Variants in SNTN observed in about 807,000 individuals in gnomAD.
SNTN encodes the protein sentan, cilia apical structure protein.
In SNTN, 13 loss-of-function variants were observed where a neutral mutation model predicts 12.3. The observed-to-expected ratio is 1.05, with a 90% confidence interval of 0.69 to 1.67. SNTN has a LOEUF of 1.67. Among genes scored for constraint, SNTN ranks in the 40% most tolerant of loss-of-function variants. The probability of loss-of-function intolerance (pLI) is 0.00; values close to 1 mark genes in which losing one functional copy is unlikely to be tolerated. For synonymous variants in SNTN, 69 were observed against 58.5 expected, an observed-to-expected ratio of 1.18 and a Z score of -0.82; for missense variants, 189 against 169.8, an observed-to-expected ratio of 1.11 and a Z score of -0.63.
intron 2 of SNTN, among the ~76,000 whole-genome samples, chr3:63,656,006 G>A (rs1700675711): frequency 6.6e-6 from 1 of 152,230 alleles, no homozygotes; most frequent in South Asian, 2.1e-4. Context: ...TAGACAGCAG[G>A]GACCTAGTTT....
In SNTN at chr3:63,654,816, G is replaced by A. The variant is rs756789467; in HGVS notation, c.145+20G>A. ...TGAAAGGTAAGGCACAGATGACGCA[G>A]ATGTACATTTTTCTCCTCTACCAAG... is the stretch of plus-strand genomic sequence containing the variant. On this transcript the variant is annotated intron_variant, in intron 2 of 3. Coordinates refer to ENST00000343837, the MANE Select transcript of SNTN (RefSeq NM_001080537.2). 7.5e-6 allele frequency: 12 copies of A among 1,610,358 alleles called. No homozygotes were observed. Among genetic ancestry groups the A allele is most frequent in the Non-Finnish European group, 9.3e-6 (11 of 1,178,148 alleles).
intron 3 of SNTN, among the ~76,000 whole-genome samples, chr3:63,660,524 G>A (rs551498730): frequency 6.6e-6 from 1 of 152,274 alleles, no homozygotes; most frequent in South Asian, 2.1e-4. Context: ...CTTAGACTAC[G>A]GCGGTGAAGA....
At chr3:63,659,515 C>T (rs1575750632) in intron 2 of SNTN, among the ~76,000 whole-genome samples, 1 of 152,034 alleles carries the variant, frequency 6.6e-6, no homozygotes, top group Non-Finnish European at 1.5e-5. Flanking sequence ...TCATATCTAA[C>T]TCTACTAATT....
At chr3:63,652,905 G>T (rs930627335) in intron 1 of SNTN, 108 bp downstream of exon 1, 4 of 935,456 alleles carry the variant, frequency 4.3e-6, no homozygotes, top group South Asian at 1.6e-5. Flanking sequence ...CCAGTTTGGT[G>T]CCTATTACCT....
chr3:63,655,695 A>T (rs866297873), intron 2 of SNTN, among the ~76,000 whole-genome samples: 23 of 151,986 alleles, frequency 1.5e-4, no homozygotes, highest in Non-Finnish European at 2.4e-4. Flanking sequence ...AAATCGGACC[A>T]CTGAACCACA....
At chr3:63,660,746 G>A (rs983617011) in intron 3 of SNTN, among the ~76,000 whole-genome samples, 2 of 152,170 alleles carry the variant, frequency 1.3e-5, no homozygotes, top group African/African-American at 4.8e-5. Context: ...GGAGGAGATG[G>A]CGAGTTTCAT....
intron 2 of SNTN, among the ~76,000 whole-genome samples, chr3:63,656,220 C>T (rs1700678571): frequency 6.6e-6 from 1 of 152,184 alleles, no homozygotes; most frequent in Non-Finnish European, 1.5e-5. Flanking sequence ...TAGTGTTCCA[C>T]ATTCCAGAGC....
chr3:63,656,928 C>T (rs769234651), intron 2 of SNTN, among the ~76,000 whole-genome samples: 3 of 152,110 alleles, frequency 2.0e-5, no homozygotes, highest in African/African-American at 4.8e-5. Flanking sequence ...GTTTCTTCAT[C>T]GATAGAGTGG....
intron 2 of SNTN, among the ~76,000 whole-genome samples, chr3:63,657,665 C>T (rs1462288571): frequency 2.0e-5 from 3 of 152,108 alleles, no homozygotes; most frequent in Admixed American, 2.0e-4. Context: ...GTTGGCTAGA[C>T]CAGATGGAGT....
intron 1 of SNTN, among the ~76,000 whole-genome samples, chr3:63,653,395 T>C (rs1559559616): frequency 6.6e-6 from 1 of 152,080 alleles, no homozygotes; most frequent in Non-Finnish European, 1.5e-5. Flanking sequence ...TCCTTCTTCT[T>C]ATAAAGGAAA....
intron 1 of SNTN, among the ~76,000 whole-genome samples, chr3:63,653,304 G>C (rs1423884811): frequency 6.6e-6 from 1 of 151,952 alleles, no homozygotes; most frequent in East Asian, 1.9e-4. Context: ...GGGTCTCACA[G>C]ACCCTTGAGA....
chr3:63,655,623 G>A (rs1345438581), intron 2 of SNTN, among the ~76,000 whole-genome samples: 1 of 152,060 alleles, frequency 6.6e-6, no homozygotes, highest in Non-Finnish European at 1.5e-5. Flanking sequence ...TTGTAACTCG[G>A]TCACCTCCAC....
chr3:63,654,534 A>G (rs1395384372), intron 1 of SNTN, among the ~76,000 whole-genome samples: 2 of 152,196 alleles, frequency 1.3e-5, no homozygotes, highest in Non-Finnish European at 1.5e-5. Context: ...CTGCAAAACT[A>G]CAAGGAAGAC....
At chr3:63,656,680 C>T (rs1269645797) in intron 2 of SNTN, among the ~76,000 whole-genome samples, 1 of 151,972 alleles carries the variant, frequency 6.6e-6, no homozygotes. Context: ...GGTGGGGGTA[C>T]AGCACTGATG....
chr3:63,654,823 A>G, intron 2 of SNTN, 27 bp downstream of exon 2: 3 of 1,608,070 alleles, frequency 1.9e-6, no homozygotes, highest in Non-Finnish European at 1.7e-6. Context: ...GCAGATGTAC[A>G]TTTTTCTCCT....
chr3:63,656,129 A>T (rs549304513), intron 2 of SNTN, among the ~76,000 whole-genome samples: 85 of 152,328 alleles, frequency 5.6e-4, no homozygotes, highest in African/African-American at 2.0e-3. Context: ...AAATGAGGAG[A>T]TTCTTTCATT....
At chr3:63,662,221 G>T (rs754216273) in intron 3 of SNTN, among the ~76,000 whole-genome samples, 2 of 152,180 alleles carry the variant, frequency 1.3e-5, no homozygotes, top group African/African-American at 4.8e-5. Flanking sequence ...GTGCATTCAC[G>T]TGAGTCAATG....
chr3:63,659,718 C>G lies in SNTN; in HGVS notation c.146-7C>G. The G allele has an allele frequency of 1.2e-6, 2 of 1,613,832 alleles. No homozygotes were observed. The highest frequency in any genetic ancestry group is 1.7e-6 in the Non-Finnish European group (2 of 1,179,840). On this transcript the variant is annotated splice_region_variant and splice_polypyrimidine_tract_variant and intron_variant, in intron 2 of 3. Transcript: ENST00000343837. ...GGATACTTTATTCCACATTTCTTCT[C>G]TCCTAGCTCTGAGGAAGTGCTCAGA...
chr3:63,654,044 A>G (rs2106937484), intron 1 of SNTN, among the ~76,000 whole-genome samples: 1 of 152,360 alleles, frequency 6.6e-6, no homozygotes, highest in South Asian at 2.1e-4. Flanking sequence ...GCTCAGGCAG[A>G]GTGCCATTAC....
Sources: gnomAD v4.1 joint callset for allele counts (sites outside exome capture counted in the v4.1 genomes callset) on GRCh38, gnomAD v4.1.1 for gene constraint, MANE v1.5 for transcripts, NCBI Gene and HGNC (gene_info 2026-07-23, HGNC 2026-07-21) for gene names.